Variants in TRPM5 observed in about 807,000 individuals in gnomAD.
The protein encoded by TRPM5 is transient receptor potential cation channel subfamily M member 5, also known as MLSN1 and TRP-related.
In TRPM5, 121 loss-of-function variants were observed where a neutral mutation model predicts 124.9. The observed-to-expected ratio is 0.97, with a 90% CI of 0.84 to 1.13. The LOEUF (loss-of-function observed/expected upper bound fraction) is 1.13. TRPM5 is among the 50% of genes most tolerant of loss of function. The pLI is 0.00. For missense variants in TRPM5, 1,643 were observed against 1,589.1 expected, an observed-to-expected ratio of 1.03 and a Z score of -0.58; for synonymous variants, 781 against 700.5, an observed-to-expected ratio of 1.11 and a Z score of -1.81.
the TRPM5 span, among the ~76,000 whole-genome samples, chr11:2,434,002 CTG>C: frequency 6.7e-6 from 1 of 150,096 alleles, no homozygotes; most frequent in African/African-American, 2.5e-5. Flanking sequence ...TGTGTGGATG[CTG>C]TGTGTGTGTA....
In TRPM5 at chr11:2,408,250, C is replaced by T. The variant is rs188650203; in HGVS notation, c.2783-338G>A. Among the ~76,000 whole-genome samples the T allele has an allele frequency of 2.2e-4, 34 of 152,210 alleles. No individual in the cohort carries two copies. The East Asian group carries it at 6.4e-3, about 29-fold the overall frequency. On this transcript the variant is annotated intron_variant, in intron 18 of 23. Transcript: ENST00000155858. ...GATGGAAGGTGGGGGACAGAGGGGT[C>T]ACGGGACCCAGGTTTCTCCTGGTTG...
the TRPM5 span, among the ~76,000 whole-genome samples, chr11:2,428,111 C>G: frequency 7.2e-5 from 11 of 152,018 alleles, no homozygotes; most frequent in African/African-American, 2.7e-4. This position sits in a 1 kb window ranked among gnomAD's most constrained non-coding sequence, Gnocchi z 4.0. Context: ...GGGATTGGAT[C>G]CTGCATAGCT....
intron 6 of TRPM5, 85 bp from the exon 12 acceptor site, chr11:2,417,914 C>T: frequency 7.6e-7 from 1 of 1,313,596 alleles, no homozygotes; most frequent in South Asian, 1.3e-5. Flanking sequence ...AGCGTAGGCA[C>T]AGGCAGCGTC....
exon 17 of TRPM5, chr11:2,411,727 C>G: frequency 6.2e-7 from 1 of 1,612,674 alleles, no homozygotes; most frequent in Non-Finnish European, 8.5e-7. Flanking sequence ...AAGTCCATGG[C>G]GAGGACTGTG....
At chr11:2,422,818 G>T in intron 1 of TRPM5, 102 bp downstream of exon 6, 1 of 1,002,744 alleles carries the variant, frequency 1.0e-6, no homozygotes, top group Non-Finnish European at 1.6e-6. Flanking sequence ...CAGACCCCAG[G>T]GGTGAGGAGG....
intron 4 of TRPM5, among the ~76,000 whole-genome samples, chr11:2,419,436 C>T (rs567114414): frequency 2.9e-5 from 4 of 138,330 alleles, no homozygotes; most frequent in Non-Finnish European, 4.6e-5. Context: ...GGTGCAACCC[C>T]GTCTCTACTG....
chr11:2,408,691 C>T (rs1850376371), intron 18 of TRPM5, among the ~76,000 whole-genome samples: 1 of 152,228 alleles, frequency 6.6e-6, no homozygotes, highest in Non-Finnish European at 1.5e-5. Flanking sequence ...CTCACCCCAC[C>T]CCAGCCTGCG....
intron 1 of TRPM5, among the ~76,000 whole-genome samples, 179 bp from the exon 7 acceptor site, chr11:2,422,500 G>A (rs1845787262): frequency 6.6e-6 from 1 of 151,528 alleles, no homozygotes; most frequent in Non-Finnish European, 1.5e-5. Flanking sequence ...GGAGGTGCTG[G>A]GCATTGGGGG....
chr11:2,436,843 G>T, the TRPM5 span, among the ~76,000 whole-genome samples: 1 of 152,268 alleles, frequency 6.6e-6, no homozygotes, highest in Non-Finnish European at 1.5e-5. Context: ...CCAGCTCAGA[G>T]AGTCTGCAGT....
Position 2,415,678 on chromosome 11 carries a change from G to A in TRPM5, c.1129-207C>T, listed in dbSNP as rs554135494. 1.1e-4 allele frequency among the ~76,000 whole-genome samples: 16 copies of A among 152,342 alleles called. 1 individual carries two copies. In the South Asian group the frequency reaches 3.1e-3, roughly 30 times the overall value. Reference sequence around the variant, plus strand: ...CCAGTCGTGAGCAAATGCTGAGGGTGTCACAACCCCCTTGGGCTTTGGGGA... The same window carrying A: ...CCAGTCGTGAGCAAATGCTGAGGGTATCACAACCCCCTTGGGCTTTGGGGA... On this transcript the variant is annotated intron_variant, in intron 8 of 23. Transcript: ENST00000155858.
the TRPM5 span, among the ~76,000 whole-genome samples, chr11:2,434,226 C>G: frequency 1.3e-5 from 2 of 149,766 alleles, 1 homozygote; most frequent in South Asian, 4.2e-4. Flanking sequence ...TGTGTGGACG[C>G]TGTGAGTGCA....
chr11:2,408,040 C>T, intron 18 of TRPM5, 128 bp from the exon 24 acceptor site: 1 of 1,252,066 alleles, frequency 8.0e-7, no homozygotes, highest in South Asian at 1.5e-5. Flanking sequence ...GTTGGGTGAC[C>T]CACTGTCCCA....
intron 1 of TRPM5, among the ~76,000 whole-genome samples, 183 bp downstream of exon 6, chr11:2,422,737 C>A (rs1448765290): frequency 2.0e-5 from 3 of 151,960 alleles, no homozygotes; most frequent in Admixed American, 6.5e-5. Flanking sequence ...AGGTAGGAGG[C>A]CGGCCAGAGC....
intron 7 of TRPM5, among the ~76,000 whole-genome samples, chr11:2,417,087 T>C (rs1048189948): frequency 2.6e-5 from 4 of 152,140 alleles, no homozygotes; most frequent in African/African-American, 9.7e-5. Flanking sequence ...GGGTATGGGC[T>C]CTTTCTGGGG....
the TRPM5 span, among the ~76,000 whole-genome samples, chr11:2,441,971 G>A: frequency 6.6e-6 from 1 of 152,190 alleles, no homozygotes; most frequent in Admixed American, 6.5e-5. This position sits in a 1 kb window ranked among gnomAD's most constrained non-coding sequence, Gnocchi z 7.2. Flanking sequence ...TTACAGGTGT[G>A]AGCCACTGCA....
chr11:2,418,308 G>A lies in TRPM5; in HGVS notation c.765C>T (p.Gly255=), dbSNP rs756847422. ...CAAGCACATCGGCGATGCCCCCCGA[G>A]CCTACCAGGATCAGCCACGGGGCAG... The change falls in exon 6 of 24, where the codon GGC becomes GGT. Residue 255 remains glycine, a synonymous_variant. Transcript: ENST00000155858. 8.3e-6 allele frequency: 13 copies of A among 1,572,962 alleles called. No homozygotes were observed. In the African/African-American group the frequency reaches 1.2e-4, roughly 15 times the overall value.
At chr11:2,422,851 G>A in intron 1 of TRPM5, 69 bp downstream of exon 6, 1 of 1,388,516 alleles carries the variant, frequency 7.2e-7, no homozygotes, top group Non-Finnish European at 1.0e-6. Context: ...AGCTTCCAGG[G>A]AAGGAAATGG....
chr11:2,416,242 C>T (rs1280499917), intron 7 of TRPM5, among the ~76,000 whole-genome samples: 4 of 152,240 alleles, frequency 2.6e-5, no homozygotes, highest in Non-Finnish European at 2.9e-5. Flanking sequence ...TGCGTCGGGA[C>T]GGCCCGTCTG....
chr11:2,405,520 G>T lies in TRPM5; in HGVS notation c.3391+7C>A. On this transcript the variant is annotated splice_region_variant and intron_variant, in intron 23 of 23. Transcript: ENST00000155858. ...ACCCTCATCCCACGCTCCCCAAACA[G>T]GCTTACTCCGGGGGCCGCCACCCTG... 6.4e-7 allele frequency: 1 copy of T among 1,556,278 alleles called. No homozygotes were observed.
Sources: gnomAD v4.1 joint callset for allele counts (sites outside exome capture counted in the v4.1 genomes callset) on GRCh38, gnomAD v4.1.1 for gene constraint, Gnocchi (gnomAD v3.1) non-coding constraint, MANE v1.5 for transcripts, NCBI Gene and HGNC (gene_info 2026-07-23, HGNC 2026-07-21) for gene names.